MDGA2: variants seen among roughly 807,000 people sequenced by gnomAD.
MDGA2 encodes MAM domain containing glycosylphosphatidylinositol anchor 2.
A neutral mutation model predicts 117.8 loss-of-function variants in MDGA2; 40 were observed. The observed-to-expected ratio is 0.34, with a 90% CI of 0.26 to 0.44. The LOEUF (loss-of-function observed/expected upper bound fraction) is 0.44, where lower values mean the gene tolerates loss of function less well. MDGA2 is among the 20% of genes least tolerant of loss of function. The pLI, the probability that MDGA2 is intolerant of heterozygous loss-of-function variation, is 1.00. For missense variants in MDGA2, 1,123 were observed against 1,250.6 expected, an observed-to-expected ratio of 0.90 and a Z score of 1.54; for synonymous variants, 452 against 439.0, an observed-to-expected ratio of 1.03 and a Z score of -0.37.
intron 1 of MDGA2, among the ~76,000 whole-genome samples, chr14:47,499,480 T>G (rs1271407898): frequency 1.3e-5 from 2 of 152,152 alleles, no homozygotes; most frequent in Non-Finnish European, 2.9e-5. Context: ...ACAATATACA[T>G]AAACACTGTT....
At chr14:47,486,371 G>A (rs1044007412) in intron 1 of MDGA2, among the ~76,000 whole-genome samples, 5 of 152,106 alleles carry the variant, frequency 3.3e-5, no homozygotes, top group East Asian at 1.9e-4. Context: ...TACCTCCATC[G>A]TATCTAGGAA....
chr14:47,023,373 T>A (rs1229229291), intron 8 of MDGA2, among the ~76,000 whole-genome samples: 1 of 152,028 alleles, frequency 6.6e-6, no homozygotes, highest in African/African-American at 2.4e-5. Flanking sequence ...AGGGAAGAAT[T>A]CAGAGGATTT....
chr14:47,131,094 A>C (rs944715749), intron 5 of MDGA2, among the ~76,000 whole-genome samples: 3 of 151,938 alleles, frequency 2.0e-5, no homozygotes, highest in African/African-American at 7.2e-5. Flanking sequence ...TAATTTATTA[A>C]AGTAATTCTT....
At chr14:47,257,337 T>C (rs529034795) in intron 2 of MDGA2, among the ~76,000 whole-genome samples, 6 of 152,168 alleles carry the variant, frequency 3.9e-5, no homozygotes, top group Non-Finnish European at 8.8e-5. Flanking sequence ...TGTTTTCTCT[T>C]GTTTTGCCTC....
At position 46,989,514 on chromosome 14, in the gene MDGA2, CTA is replaced by C. The variant is rs563747454; in HGVS notation, c.1820-31873_1820-31872del. On this transcript the variant is annotated intron_variant, in intron 8 of 16. Transcript: ENST00000399232. ...TGGCTAGAATTATACAATGCTAGTA[CTA>C]TCATAGGAAAGACTAAATATTACAT... Among the ~76,000 whole-genome samples, 23 of 152,084 alleles carry C rather than the reference CTA, an allele frequency of 1.5e-4. 1 individual carries two copies. In the South Asian group the frequency reaches 3.5e-3, roughly 23 times the overall value.
At chr14:47,479,890 A>T (rs1035697824) in intron 1 of MDGA2, among the ~76,000 whole-genome samples, 1 of 152,048 alleles carries the variant, frequency 6.6e-6, no homozygotes, top group South Asian at 2.1e-4. Flanking sequence ...TCCAGTTCCT[A>T]CAATACCTCT....
chr14:47,035,018 G>A lies in MDGA2; in HGVS notation c.1812C>T (p.Ile604=), dbSNP rs547992457. The change falls in exon 8 of 17, where the codon ATC becomes ATT. Residue 604 remains isoleucine (I), a synonymous_variant. Transcript: ENST00000399232. The part of the protein sequence containing the change: ...VKPREALVQL[I]VQYPPAVEPA... ...AAAAGGGAATTTACTTACACTGAAC[G>A]ATGAGCTGCACCAAGGCTTCCCTTG... 17 of 1,612,330 alleles carry A rather than the reference G, an allele frequency of 1.1e-5. No individual in the cohort carries two copies. Among genetic ancestry groups the A allele is most frequent in the African/African-American group, 8.0e-5 (6 of 75,012 alleles).
intron 1 of MDGA2, among the ~76,000 whole-genome samples, chr14:47,490,730 T>C (rs1027364284): frequency 3.3e-5 from 5 of 152,116 alleles, no homozygotes; most frequent in African/African-American, 1.2e-4. Flanking sequence ...TCTAAAAACA[T>C]AAGTGATAAT....
chr14:47,413,563 G>C (rs1365854658), intron 1 of MDGA2, among the ~76,000 whole-genome samples: 1 of 151,994 alleles, frequency 6.6e-6, no homozygotes, highest in Non-Finnish European at 1.5e-5. Flanking sequence ...TACTATTCTG[G>C]TTAAAATGTC....
intron 1 of MDGA2, among the ~76,000 whole-genome samples, chr14:47,605,138 T>G (rs1340667456): frequency 1.3e-5 from 2 of 152,308 alleles, no homozygotes; most frequent in East Asian, 3.9e-4. Flanking sequence ...TACAGACATT[T>G]GTCTAGTCAT....
intron 3 of MDGA2, among the ~76,000 whole-genome samples, chr14:47,212,854 T>C (rs1458902066): frequency 2.0e-5 from 3 of 152,180 alleles, no homozygotes; most frequent in African/African-American, 7.2e-5. Context: ...CCACCTATCA[T>C]TACCATATTA....
chr14:47,387,840 G>A (rs992503422), intron 1 of MDGA2, among the ~76,000 whole-genome samples: 1 of 152,184 alleles, frequency 6.6e-6, no homozygotes, highest in African/African-American at 2.4e-5. Flanking sequence ...TTACGTGTAA[G>A]AAAGACCCTC....
chr14:47,449,680 T>C (rs1238871271), intron 1 of MDGA2, among the ~76,000 whole-genome samples: 2 of 152,040 alleles, frequency 1.3e-5, no homozygotes, highest in African/African-American at 4.8e-5. Context: ...ACATGAAAGA[T>C]AGAAAAAAAT....
At chr14:47,149,398 G>C (rs188279175) in intron 3 of MDGA2, among the ~76,000 whole-genome samples, 1 of 152,152 alleles carries the variant, frequency 6.6e-6, no homozygotes, top group Admixed American at 6.5e-5. Context: ...CCGCTGTTAC[G>C]AGAGAGGCCA....
At chr14:46,999,349 C>T (rs1402840657) in intron 8 of MDGA2, among the ~76,000 whole-genome samples, 1 of 151,960 alleles carries the variant, frequency 6.6e-6, no homozygotes, top group Non-Finnish European at 1.5e-5. Flanking sequence ...GCAGTATTTG[C>T]AGACACTATT....
chr14:46,962,484 T>C (rs1885851000), intron 8 of MDGA2, among the ~76,000 whole-genome samples: 1 of 152,204 alleles, frequency 6.6e-6, no homozygotes, highest in Admixed American at 6.5e-5. Flanking sequence ...TGCCCAAAGA[T>C]GCCATCAGAA....
intron 10 of MDGA2, among the ~76,000 whole-genome samples, chr14:46,891,402 T>A (rs1204587949): frequency 6.6e-6 from 1 of 151,688 alleles, no homozygotes; most frequent in African/African-American, 2.4e-5. Context: ...ATGAATCTTG[T>A]TAGCCTTTCT....
intron 8 of MDGA2, among the ~76,000 whole-genome samples, chr14:47,028,996 G>A (rs1219405369): frequency 1.3e-5 from 2 of 151,904 alleles, no homozygotes; most frequent in Non-Finnish European, 2.9e-5. Context: ...GATATTTCCA[G>A]AACAATTTTG....
intron 1 of MDGA2, among the ~76,000 whole-genome samples, chr14:47,324,676 T>C (rs1247177293): frequency 1.3e-5 from 2 of 152,198 alleles, no homozygotes; most frequent in Admixed American, 6.5e-5. Flanking sequence ...CCTTTGTCTA[T>C]GTGTTAATAG....
Sources: gnomAD v4.1 joint callset for allele counts (sites outside exome capture counted in the v4.1 genomes callset) on GRCh38, gnomAD v4.1.1 for gene constraint, MANE v1.5 for transcripts, NCBI Gene and HGNC (gene_info 2026-07-23, HGNC 2026-07-21) for gene names.